The following DERL1 variants were observed in gnomAD, a reference collection of about 807,000 sequenced individuals.
DERL1 encodes derlin-1.
DERL1 carries 24 observed loss-of-function variants against 41.6 expected under a neutral mutation model. The observed-to-expected ratio is 0.58, with a 90% CI of 0.42 to 0.81. DERL1 has a LOEUF of 0.81. DERL1 is among the 30% of genes least tolerant of loss of function. The probability of loss-of-function intolerance (pLI) is 0.00; values close to 1 mark genes in which losing one functional copy is unlikely to be tolerated. For missense variants in DERL1, 260 were observed against 314.3 expected, an observed-to-expected ratio of 0.83 and a Z score of 1.31; for synonymous variants, 124 against 112.5, an observed-to-expected ratio of 1.10 and a Z score of -0.65.
At chr8:123,026,773 A>ATG (rs775114821) in intron 2 of DERL1, among the ~76,000 whole-genome samples, 10,662 of 152,244 alleles carry the variant, frequency 0.07, 363 homozygotes, top group Middle Eastern at 0.095. Flanking sequence ...ATGGCCAAAA[A>ATG]ATGAAACCAA....
At chr8:123,030,782 C>G (rs1812803957) in intron 1 of DERL1, 66 bp from the exon 2 acceptor site, 1 of 1,154,872 alleles carries the variant, frequency 8.7e-7, no homozygotes, top group African/African-American at 1.6e-5. Context: ...TCCCTTCTAA[C>G]TAAACAAAAT....
In DERL1 at chr8:123,036,862, C is replaced by T. The variant is rs553876912; in HGVS notation, c.153+5108G>A. Among the ~76,000 whole-genome samples, 7 of 152,304 alleles carry T rather than the reference C, an allele frequency of 4.6e-5. No homozygotes were observed. The East Asian group carries it at 1.2e-3, about 25-fold the overall frequency. ...CCCTTAAATCAGTCTCCTAAGGTTG[C>T]TGTCATCAGGTTAAATGTGATATAT... is the stretch of plus-strand genomic sequence containing the variant. On this transcript the variant is annotated intron_variant, in intron 1 of 7. Transcript: ENST00000259512.
chr8:123,040,693 A>C (rs1813037244), intron 1 of DERL1, among the ~76,000 whole-genome samples: 1 of 152,222 alleles, frequency 6.6e-6, no homozygotes, highest in South Asian at 2.1e-4. Context: ...TGCAATGGAG[A>C]ATGAAAAGGG....
chr8:123,024,773 GA>G (rs1055230117), intron 3 of DERL1, among the ~76,000 whole-genome samples: 1 of 152,108 alleles, frequency 6.6e-6, no homozygotes. Context: ...ACCAAAGGTG[GA>G]AAAAAATCCC....
At chr8:123,034,223 G>A (rs1324038329) in intron 1 of DERL1, among the ~76,000 whole-genome samples, 3 of 152,214 alleles carry the variant, frequency 2.0e-5, no homozygotes, top group African/African-American at 4.8e-5. Flanking sequence ...GTAACCCTCA[G>A]AGCTTAATTC....
intron 1 of DERL1, among the ~76,000 whole-genome samples, chr8:123,031,201 T>C (rs925651155): frequency 4.6e-5 from 7 of 152,172 alleles, no homozygotes; most frequent in African/African-American, 1.7e-4. Context: ...GGGCACTTTT[T>C]CTTTAAAAAC....
intron 7 of DERL1, chr8:123,018,407 G>A (rs1338064191): frequency 6.6e-6 from 1 of 152,180 alleles, no homozygotes; most frequent in Non-Finnish European, 1.5e-5. Flanking sequence ...CCACCTTTAG[G>A]AATATGGCAG....
chr8:123,024,126 C>G (rs1739897744), intron 3 of DERL1, among the ~76,000 whole-genome samples: 3 of 152,146 alleles, frequency 2.0e-5, no homozygotes, highest in African/African-American at 7.2e-5. Flanking sequence ...TAGTAGAAAT[C>G]AACAGCTTCC....
chr8:123,016,147 C>G (rs1426473393), intron 7 of DERL1: 1 of 152,150 alleles, frequency 6.6e-6, no homozygotes, highest in East Asian at 1.9e-4. Flanking sequence ...CAGGTACATT[C>G]TTCCCTTCTC....
chr8:123,036,639 G>A (rs1812935327), intron 1 of DERL1, among the ~76,000 whole-genome samples: 1 of 152,078 alleles, frequency 6.6e-6, no homozygotes, highest in Non-Finnish European at 1.5e-5. Flanking sequence ...AATCTAATGG[G>A]CAACATTATT....
Position 123,023,708 on chromosome 8 carries a change from C to G in DERL1, c.357+5G>C. The G allele has an allele frequency of 1.2e-6, 2 of 1,606,640 alleles. No homozygotes were observed. Among genetic ancestry groups the G allele is most frequent in the South Asian group, 2.2e-5 (2 of 89,548 alleles). ...GGCAAATAGATAGTTTAAATGGACA[C>G]TTACCTGCATATCCATTGCTAAGCC... On this transcript the variant is annotated splice_donor_5th_base_variant and intron_variant, in intron 4 of 7. Transcript: ENST00000259512.
chr8:123,017,909 A>G (rs2130454209), intron 7 of DERL1: 1 of 152,362 alleles, frequency 6.6e-6, no homozygotes, highest in African/African-American at 2.4e-5. Flanking sequence ...TTGTTTTTTT[A>G]GCCTGAAGGC....
intron 2 of DERL1, chr8:123,025,690 TG>T (rs1344369880): frequency 6.6e-6 from 1 of 152,222 alleles, no homozygotes; most frequent in Non-Finnish European, 1.5e-5. Flanking sequence ...GAAAACAATG[TG>T]GGGGAAGGAG....
At chr8:123,021,561 C>T (rs1327174419) in intron 5 of DERL1, 62 bp from the exon 6 acceptor site, 29 of 1,464,620 alleles carry the variant, frequency 2.0e-5, no homozygotes, top group Admixed American at 1.7e-4. Context: ...ACAGCTACTA[C>T]GGGGACTAAA....
Position 123,042,048 on chromosome 8 carries a change from C to G in DERL1, c.75G>C (p.Val25=). The G allele has an allele frequency of 3.7e-6, 6 of 1,613,970 alleles. No individual in the cohort carries two copies. In the African/African-American group the frequency reaches 5.3e-5, roughly 14 times the overall value. ...TRYWFAATVA[V]PLVGKLGLIS... is the part of the protein sequence containing the mutation. Reference sequence around the variant, plus strand: ...TGAGGCCGAGTTTGCCGACCAAGGGCACGGCGACGGTGGCGGCGAACCAAT... The same window carrying G: ...TGAGGCCGAGTTTGCCGACCAAGGGGACGGCGACGGTGGCGGCGAACCAAT... Residue 25 remains valine, a synonymous_variant, in exon 1 of 8, where the codon GTG becomes GTC. Transcript: ENST00000259512.
At chr8:123,032,482 A>G (rs553442395) in intron 1 of DERL1, among the ~76,000 whole-genome samples, 1 of 152,216 alleles carries the variant, frequency 6.6e-6, no homozygotes, top group Non-Finnish European at 1.5e-5. Flanking sequence ...CATTGCAAGC[A>G]TTTTCTGATG....
chr8:123,025,075 T>C, intron 2 of DERL1, 25 bp from the exon 3 acceptor site: 1 of 1,610,328 alleles, frequency 6.2e-7, no homozygotes, highest in Non-Finnish European at 8.5e-7. Flanking sequence ...AAGCCAAATG[T>C]CATGGTTCAG....
Position 123,030,616 on chromosome 8 carries a change from C to T in DERL1, c.254G>A (p.Arg85Gln), listed in dbSNP as rs536205480. The T allele has an allele frequency of 5.0e-6, 8 of 1,593,710 alleles. No homozygotes were observed. The highest frequency in any genetic ancestry group is 4.5e-5 in the East Asian group (2 of 44,530). Reference protein sequence around the residue: ...NLYFLYQYSTRLETGAFDGRP... With the variant: ...NLYFLYQYSTQLETGAFDGRP... ...TATGGGTAACATACCTGTTTCAAGT[C>T]GCGTAGAATACTGATATAAGAAATA... is the stretch of plus-strand genomic sequence containing the variant. Residue 85 changes from arginine to glutamine, a missense_variant, in exon 2 of 8, where the codon CGA (arginine) becomes CAA (glutamine). Coordinates refer to ENST00000259512, the MANE Select transcript of DERL1 (RefSeq NM_024295.6).
At chr8:123,034,527 T>C (rs916456228) in intron 1 of DERL1, among the ~76,000 whole-genome samples, 1 of 152,314 alleles carries the variant, frequency 6.6e-6, no homozygotes, top group Non-Finnish European at 1.5e-5. Flanking sequence ...AGGAGACGGA[T>C]TTCATAGATG....
Sources: allele counts gnomAD v4.1 joint callset (sites outside exome capture counted in the v4.1 genomes callset), GRCh38; gene constraint gnomAD v4.1.1; transcripts MANE v1.5; gene names NCBI Gene and HGNC (gene_info 2026-07-23, HGNC 2026-07-21).